Variants in GAS7 observed in about 807,000 individuals in gnomAD.
GAS7 encodes growth arrest specific 7, also known as growth arrest-specific protein 7.
GAS7 carries 28 observed loss-of-function variants against 71.1 expected under a neutral mutation model. The observed-to-expected ratio is 0.39, with a 90% confidence interval of 0.29 to 0.54. GAS7 has a LOEUF of 0.54. Among genes scored for constraint, GAS7 ranks in the 20% least tolerant of loss-of-function variants. GAS7 has a pLI of 0.62. For missense variants in GAS7, 436 were observed against 627.8 expected (o/e 0.69, Z 3.27); for synonymous variants, 258 against 245.8 (o/e 1.05, Z -0.46).
At chr17:10,065,798 C>T (rs1365804056) in intron 1 of GAS7, among the ~76,000 whole-genome samples, 1 of 152,198 alleles carries the variant, frequency 6.6e-6, no homozygotes, top group Non-Finnish European at 1.5e-5. Flanking sequence ...AGAAATGTTG[C>T]TGTCAATACC....
At chr17:9,982,865 GAA>G (rs762044679) in intron 2 of GAS7, among the ~76,000 whole-genome samples, 1 of 147,542 alleles carries the variant, frequency 6.8e-6, no homozygotes, top group Non-Finnish European at 1.5e-5. Flanking sequence ...AAGAAAGAAA[GAA>G]AGCAAAGAAA....
chr17:10,197,247 A>C (rs2074547215), intron 1 of GAS7, among the ~76,000 whole-genome samples: 1 of 152,200 alleles, frequency 6.6e-6, no homozygotes, highest in Non-Finnish European at 1.5e-5. Context: ...GTCAAGAGTT[A>C]AATAATAAAT....
intron 3 of GAS7, among the ~76,000 whole-genome samples, chr17:9,970,542 G>A (rs972049669): frequency 6.6e-6 from 1 of 152,130 alleles, no homozygotes; most frequent in Admixed American, 6.6e-5. Flanking sequence ...TGAGGCAGGA[G>A]GATCGCTTGA....
chr17:9,934,306 T>C (rs373401195), intron 8 of GAS7, 62 bp from the exon 9 acceptor site: 464 of 1,154,676 alleles, frequency 4.0e-4, no homozygotes, highest in Admixed American at 2.2e-3. Flanking sequence ...GGCAGGATGG[T>C]GGGGCTCCAC....
intron 2 of GAS7, among the ~76,000 whole-genome samples, chr17:10,004,408 A>G (rs2071387279): frequency 6.6e-6 from 1 of 152,152 alleles, no homozygotes; most frequent in Admixed American, 6.5e-5. Flanking sequence ...CTAACCCTTT[A>G]AAAGCTCACT....
Position 10,005,304 on chromosome 17 carries a change from C to T in GAS7, c.304+14473G>A, listed in dbSNP as rs542604953. On this transcript the variant is annotated intron_variant, in intron 2 of 13. Transcript: ENST00000432992. ...ATATACATGCATACATGTATATACA[C>T]ATATATACACACACATATATATATA... Among the ~76,000 whole-genome samples, 491 of 150,602 alleles carry T rather than the reference C, an allele frequency of 3.3e-3. 2 individuals carry two copies. The highest frequency in any genetic ancestry group is 5.3e-3 in the Non-Finnish European group (362 of 67,820).
intron 1 of GAS7, among the ~76,000 whole-genome samples, chr17:10,119,168 G>A (rs2073886189): frequency 6.6e-6 from 1 of 152,198 alleles, no homozygotes; most frequent in Non-Finnish European, 1.5e-5. Flanking sequence ...CAATAAAAAA[G>A]TGAATTCTAA....
At chr17:10,192,619 C>T (rs1247395833) in intron 1 of GAS7, among the ~76,000 whole-genome samples, 2 of 152,130 alleles carry the variant, frequency 1.3e-5, no homozygotes, top group African/African-American at 4.8e-5. Context: ...GGGATTCCCG[C>T]CGACTTGTTG....
intron 7 of GAS7, among the ~76,000 whole-genome samples, chr17:9,940,813 A>G (rs1456488197): frequency 6.6e-6 from 1 of 152,202 alleles, no homozygotes; most frequent in East Asian, 1.9e-4. Flanking sequence ...CAGGCCTTTG[A>G]CACATTTGCA....
At chr17:10,140,638 G>A (rs7212677) in intron 1 of GAS7, among the ~76,000 whole-genome samples, 31,718 of 152,022 alleles carry the variant, frequency 0.21, 3,515 homozygotes, top group African/African-American at 0.25. Context: ...CTACATCTAC[G>A]TTTCTGTCTG....
At chr17:10,174,988 C>T (rs143381556) in intron 1 of GAS7, among the ~76,000 whole-genome samples, 4 of 152,118 alleles carry the variant, frequency 2.6e-5, no homozygotes, top group East Asian at 3.9e-4. Flanking sequence ...TGGGACCACA[C>T]GTGCATGCCA....
At chr17:9,949,073 CA>C (rs1399332592) in intron 5 of GAS7, among the ~76,000 whole-genome samples, 1 of 151,982 alleles carries the variant, frequency 6.6e-6, no homozygotes, top group Non-Finnish European at 1.5e-5. Flanking sequence ...GCAGCTGGGA[CA>C]GGAGGGCGGA....
intron 1 of GAS7, among the ~76,000 whole-genome samples, chr17:10,159,168 G>T (rs1164115047): frequency 6.8e-6 from 1 of 147,862 alleles, no homozygotes; most frequent in Non-Finnish European, 1.5e-5. Flanking sequence ...TGTAAAACCA[G>T]CAATGGCACA....
intron 2 of GAS7, among the ~76,000 whole-genome samples, chr17:9,991,759 G>A (rs1274503177): frequency 6.6e-6 from 1 of 152,046 alleles, no homozygotes; most frequent in African/African-American, 2.4e-5. Flanking sequence ...TGGGTTGAAG[G>A]GCAAGGAAGG....
At position 9,981,756 on chromosome 17, in the gene GAS7, T is replaced by C. The variant is rs561915873; in HGVS notation, c.385+48A>G. On this transcript the variant is annotated intron_variant, in intron 3 of 13. Transcript: ENST00000432992. The surrounding 1 kb of genome is among the most constrained non-coding windows in gnomAD (Gnocchi z 4.4). ...ATCATCTCAGCCTCTCCACTGAATG[T>C]GGCATCAGGGCCCTCCCAGTTGCCC... 5.0e-6 allele frequency: 5 copies of C among 1,001,602 alleles called. No individual in the cohort carries two copies. In the South Asian group the frequency reaches 6.4e-5, roughly 13 times the overall value. The allele number at this position is 1,001,602 out of a possible 1,614,324, so 62.0% of individuals were successfully genotyped here.
chr17:10,005,050 T>TATATATATATATATATAC (rs1296844463), intron 2 of GAS7, among the ~76,000 whole-genome samples: 50 of 150,156 alleles, frequency 3.3e-4, no homozygotes, highest in South Asian at 2.1e-3. Context: ...TACATATATA[T>TATATATATATATATATAC]ACACATATAT....
chr17:9,997,218 G>C (rs1486404180), intron 2 of GAS7, among the ~76,000 whole-genome samples: 3 of 115,324 alleles, frequency 2.6e-5, no homozygotes, highest in African/African-American at 6.8e-5. Context: ...AATTCCATAT[G>C]GCTTAATATT....
chr17:9,934,357 C>A, intron 8 of GAS7, 113 bp from the exon 9 acceptor site: 1 of 720,588 alleles, frequency 1.4e-6, no homozygotes, highest in Non-Finnish European at 2.5e-6. Context: ...AGAATGTGGA[C>A]GCGGATGAGG....
Position 10,024,415 on chromosome 17 carries a change from T to G in GAS7, c.184-4518A>C, listed in dbSNP as rs1359287836. ...TAGTCCTGTGGCTTTTTCCCTTCAA[T>G]TCTGTCAGCACTTTCCCGTGGGAAC... On this transcript the variant is annotated intron_variant, in intron 1 of 13. Transcript: ENST00000432992. 4.6e-5 allele frequency among the ~76,000 whole-genome samples: 7 copies of G among 152,156 alleles called. No individual in the cohort carries two copies. In the East Asian group the frequency reaches 1.4e-3, roughly 29 times the overall value.
Sources: gnomAD v4.1 joint callset for allele counts (sites outside exome capture counted in the v4.1 genomes callset) on GRCh38, gnomAD v4.1.1 for gene constraint, Gnocchi (gnomAD v3.1) non-coding constraint, MANE v1.5 for transcripts, NCBI Gene and HGNC (gene_info 2026-07-23, HGNC 2026-07-21) for gene names.